Variants in LSAMP observed in about 807,000 individuals in gnomAD.
LSAMP encodes limbic system associated membrane protein.
A neutral mutation model predicts 38.6 loss-of-function variants in LSAMP; 7 were observed. That is an observed-to-expected ratio of 0.18 (90% CI 0.10 to 0.34). LSAMP has a LOEUF of 0.34. Ranked by LOEUF, LSAMP falls within the 10% of genes least tolerant of loss-of-function variation. LSAMP has a pLI of 1.00. For synonymous variants in LSAMP, 154 were observed against 166.8 expected (o/e 0.92, Z 0.59); for missense variants, 313 against 420.0 (o/e 0.75, Z 2.23).
chr3:115,972,633 A>C (rs941390128), intron 3 of LSAMP, among the ~76,000 whole-genome samples: 6 of 151,516 alleles, frequency 4.0e-5, no homozygotes, highest in African/African-American at 1.2e-4. Flanking sequence ...TTCTTCATTA[A>C]GGGGTAAAGA....
chr3:115,842,693 T>C, intron 4 of LSAMP, 115 bp from the exon 5 acceptor site: 1 of 1,322,406 alleles, frequency 7.6e-7, no homozygotes, highest in South Asian at 1.4e-5. Context: ...GGGAGCCATC[T>C]TAAAGCTCCA....
At chr3:116,194,323 T>A (rs1710825392) in intron 1 of LSAMP, among the ~76,000 whole-genome samples, 1 of 152,148 alleles carries the variant, frequency 6.6e-6, no homozygotes, top group Non-Finnish European at 1.5e-5. Flanking sequence ...TCCTTTTCAA[T>A]TTCTCCCGTG....
chr3:115,854,282 A>ATTATTATTATT (rs1366839788), intron 3 of LSAMP, among the ~76,000 whole-genome samples: 2 of 107,032 alleles, frequency 1.9e-5, no homozygotes, highest in Admixed American at 1.1e-4. Context: ...TATTATTATT[A>ATTATTATTATT]TTTTTTTTTT....
intron 3 of LSAMP, among the ~76,000 whole-genome samples, chr3:115,952,615 G>T (rs1938327642): frequency 6.6e-6 from 1 of 152,158 alleles, no homozygotes; most frequent in Admixed American, 6.5e-5. Context: ...ATTGGGTACA[G>T]TGTACACTGC....
intron 3 of LSAMP, among the ~76,000 whole-genome samples, chr3:115,891,135 A>T (rs1936588363): frequency 6.6e-6 from 1 of 151,962 alleles, no homozygotes; most frequent in African/African-American, 2.4e-5. Flanking sequence ...TGGGAACCAG[A>T]GGCAGATTTA....
chr3:116,365,940 C>T (rs1169143867), intron 1 of LSAMP, among the ~76,000 whole-genome samples: 53 of 92,442 alleles, frequency 5.7e-4, no homozygotes, highest in South Asian at 1.5e-3. Context: ...GTGCAGCGCA[C>T]CAGCATGGCA....
intron 6 of LSAMP, among the ~76,000 whole-genome samples, chr3:115,826,931 C>G (rs1934433345): frequency 6.6e-6 from 1 of 150,408 alleles, no homozygotes; most frequent in Admixed American, 6.6e-5. Context: ...GGAAGACCAG[C>G]CTCCAATTAA....
intron 1 of LSAMP, among the ~76,000 whole-genome samples, chr3:116,346,432 G>A (rs1265334518): frequency 3.3e-5 from 5 of 151,424 alleles, no homozygotes; most frequent in Non-Finnish European, 5.9e-5. Context: ...AGGCTCAAGC[G>A]ATCCTCCCGC....
At chr3:115,997,661 G>T (rs1939851426) in intron 3 of LSAMP, among the ~76,000 whole-genome samples, 1 of 145,726 alleles carries the variant, frequency 6.9e-6, no homozygotes, top group Admixed American at 7.1e-5. Context: ...TACAAGGCAG[G>T]ACTGTGTAGC....
chr3:116,278,219 C>T (rs2047079986), intron 1 of LSAMP, among the ~76,000 whole-genome samples: 1 of 152,152 alleles, frequency 6.6e-6, no homozygotes. Context: ...CACCCGGAAG[C>T]TGAAATAAGC....
At chr3:116,395,007 T>C (rs1423703241) in intron 1 of LSAMP, among the ~76,000 whole-genome samples, 1 of 152,194 alleles carries the variant, frequency 6.6e-6, no homozygotes, top group Non-Finnish European at 1.5e-5. Context: ...CATCTCTGTG[T>C]TTTGCTCTCA....
chr3:116,315,893 T>C (rs1006347218), intron 1 of LSAMP, among the ~76,000 whole-genome samples: 2 of 152,196 alleles, frequency 1.3e-5, no homozygotes, highest in Non-Finnish European at 1.5e-5. Flanking sequence ...TGATGAATAG[T>C]TAAATTTTGG....
At chr3:115,859,802 T>A (rs368953742) in intron 3 of LSAMP, among the ~76,000 whole-genome samples, 1 of 152,242 alleles carries the variant, frequency 6.6e-6, no homozygotes, top group Non-Finnish European at 1.5e-5. Flanking sequence ...TGAAATAGTT[T>A]GAGCTGAGTT....
chr3:116,428,982 T>C (rs983218417), intron 1 of LSAMP, among the ~76,000 whole-genome samples: 1 of 152,230 alleles, frequency 6.6e-6, no homozygotes, highest in African/African-American at 2.4e-5. Context: ...TCCTAAACTC[T>C]GTCTACCTTT....
chr3:116,165,967 T>C (rs1272804587), intron 1 of LSAMP, among the ~76,000 whole-genome samples: 1 of 152,172 alleles, frequency 6.6e-6, no homozygotes. Flanking sequence ...AAAAACATCA[T>C]ATGTGTGTGT....
chr3:115,890,904 G>T (rs1004467434), intron 3 of LSAMP, among the ~76,000 whole-genome samples: 40 of 151,788 alleles, frequency 2.6e-4, no homozygotes, highest in African/African-American at 9.2e-4. Context: ...AATTTGCATT[G>T]CATCATGAGC....
At chr3:116,180,497 A>G (rs1048553504) in intron 1 of LSAMP, among the ~76,000 whole-genome samples, 4 of 152,108 alleles carry the variant, frequency 2.6e-5, no homozygotes, top group Non-Finnish European at 5.9e-5. Context: ...TGGGAGAGTG[A>G]AGAACATAGG....
intron 3 of LSAMP, among the ~76,000 whole-genome samples, chr3:115,871,671 C>T (rs896109137): frequency 1.5e-4 from 23 of 151,520 alleles, no homozygotes; most frequent in African/African-American, 5.3e-4. Flanking sequence ...TAGAGGGCTT[C>T]AACCTCCTAC....
At chr3:115,887,729 A>G (rs1432239154) in intron 3 of LSAMP, among the ~76,000 whole-genome samples, 1 of 151,860 alleles carries the variant, frequency 6.6e-6, no homozygotes, top group Non-Finnish European at 1.5e-5. Context: ...GTATCTATAT[A>G]TATCCACAAT....
Sources: allele counts gnomAD v4.1 joint callset (sites outside exome capture counted in the v4.1 genomes callset), GRCh38; gene constraint gnomAD v4.1.1; transcripts MANE v1.5; gene names NCBI Gene and HGNC (gene_info 2026-07-23, HGNC 2026-07-21).